The following SRCAP variants were observed in gnomAD, a reference collection of about 807,000 sequenced individuals.
SRCAP encodes Snf2 related CREBBP activator protein.
A neutral mutation model predicts 263.1 loss-of-function variants in SRCAP; 46 were observed. That is an observed-to-expected ratio of 0.17 (90% confidence interval 0.14 to 0.22). SRCAP has a LOEUF of 0.22. Among genes scored for constraint, SRCAP ranks in the 10% least tolerant of loss-of-function variants. The pLI is 1.00. For missense variants in SRCAP, 3,695 were observed against 4,181.9 expected, an observed-to-expected ratio of 0.88 and a Z score of 3.21; for synonymous variants, 1,813 against 1,662.1, an observed-to-expected ratio of 1.09 and a Z score of -2.21.
Position 30,723,196 on chromosome 16 carries a change from A to G in SRCAP, c.4126A>G (p.Lys1376Glu). Residue 1376 changes from lysine to glutamate, a missense_variant, in exon 24 of 34, where the codon AAG becomes GAG. Around this residue, in one of 12 missense-constraint regions of SRCAP, gnomAD observed 1,347 missense variants for 1,304.4 expected, o/e 1.03. Coordinates refer to ENST00000262518, the MANE Select transcript of SRCAP (RefSeq NM_006662.3). ...ACCCACTCTGGTGAGGCCTCTTCTC[A>G]AGCTGGTCCACAGTCCTTCACCTGA... ...PTPTLVRPLL[K>E]LVHSPSPEVS... is the part of the protein sequence containing the mutation. The G allele has an allele frequency of 1.2e-6, 2 of 1,613,550 alleles. No individual in the cohort carries two copies. The highest frequency in any genetic ancestry group is 1.7e-6 in the Non-Finnish European group (2 of 1,179,682).
chr16:30,734,001 T>G lies in SRCAP; in HGVS notation c.6602T>G (p.Phe2201Cys). ...IEGGNFTTAY[F>C]KQQTIRELFD... ...GGAGGCAACTTCACCACAGCCTATT[T>G]CAAACAGGTACTAAGTAAGATCTTT... The change falls in exon 30 of 34, where the codon TTC (phenylalanine) becomes TGC (cysteine). Residue 2201 changes from phenylalanine (F) to cysteine (C), a missense_variant. Phe to Cys is a radical substitution (Grantham distance 205, BLOSUM62 -2). Around this residue, in one of 12 missense-constraint regions of SRCAP, gnomAD observed 138 missense variants for 254.9 expected, o/e 0.54. Coordinates refer to ENST00000262518, the MANE Select transcript of SRCAP (RefSeq NM_006662.3). The G allele has an allele frequency of 6.2e-7, 1 of 1,606,508 alleles. No homozygotes were observed. Among genetic ancestry groups the G allele is most frequent in the Non-Finnish European group, 8.5e-7 (1 of 1,176,098 alleles).
At chr16:30,706,524 A>G (rs1312544140) in intron 4 of SRCAP, among the ~76,000 whole-genome samples, 3 of 152,206 alleles carry the variant, frequency 2.0e-5, no homozygotes, top group African/African-American at 7.2e-5. Flanking sequence ...AATGCTTTTT[A>G]AATAAAAGAC....
In SRCAP at chr16:30,733,935, A is replaced by G; in HGVS notation, c.6536A>G (p.Lys2179Arg). 1 of 1,614,086 alleles carries G rather than the reference A, an allele frequency of 6.2e-7. No individual in the cohort carries two copies. Among genetic ancestry groups the G allele is most frequent in the Non-Finnish European group, 8.5e-7 (1 of 1,179,988 alleles). ...ACAGTGGAGGAGAACATCCTAAAAAAGGCAAATCAGAAGAGAATGTTGGGG... is the reference window on the plus strand; with the variant it reads ...ACAGTGGAGGAGAACATCCTAAAAAGGGCAAATCAGAAGAGAATGTTGGGG... ...ERTVEENILKKANQKRMLGDM... is the reference protein window; with the variant it reads ...ERTVEENILKRANQKRMLGDM... Residue 2179 changes from lysine (K) to arginine (R), a missense_variant, in exon 30 of 34, where the codon AAG becomes AGG. Physicochemically the swap from Lys to Arg is conservative, Grantham distance 26. Around this residue, in one of 12 missense-constraint regions of SRCAP, gnomAD observed 138 missense variants for 254.9 expected, o/e 0.54. Coordinates refer to ENST00000262518, the MANE Select transcript of SRCAP (RefSeq NM_006662.3). This position sits in a 1 kb window ranked among gnomAD's most constrained non-coding sequence, Gnocchi z 5.3.
At position 30,713,270 on chromosome 16, in the gene SRCAP, C is replaced by T; in HGVS notation, c.2193C>T (p.Asp731=). 1 of 1,614,098 alleles carries T rather than the reference C, an allele frequency of 6.2e-7. No individual in the cohort carries two copies. Among genetic ancestry groups the T allele is most frequent in the Non-Finnish European group, 8.5e-7 (1 of 1,180,036 alleles). The change falls in exon 15 of 34, where the codon GAC becomes GAT. Residue 731 remains aspartate (D), a synonymous_variant. Transcript: ENST00000262518. Reference sequence around the variant, plus strand: ...CATCTTACAAGCTGGTGCTGCAGGACCACCAGGCCTTCCGTCGCAAGAACT... The same window carrying T: ...CATCTTACAAGCTGGTGCTGCAGGATCACCAGGCCTTCCGTCGCAAGAACT... The part of the protein sequence containing the change: ...CITSYKLVLQ[D]HQAFRRKNWR...
intron 25 of SRCAP, among the ~76,000 whole-genome samples, chr16:30,728,132 G>A (rs2053080473): frequency 6.6e-6 from 1 of 152,186 alleles, no homozygotes; most frequent in African/African-American, 2.4e-5. Flanking sequence ...TCAGGAAGGA[G>A]ATTTGGAACA....
At chr16:30,700,274 A>T (rs1249224428) in intron 2 of SRCAP, among the ~76,000 whole-genome samples, 1 of 152,176 alleles carries the variant, frequency 6.6e-6, no homozygotes, top group Non-Finnish European at 1.5e-5. Flanking sequence ...CCTTCCGCAA[A>T]TCATAAGGTC....
rs1239589696 is a variant in SRCAP at position 30,738,643 on chromosome 16, G to A, written c.8603G>A (p.Arg2868Lys). The A allele has an allele frequency of 1.2e-5, 19 of 1,610,328 alleles. No individual in the cohort carries two copies. Among genetic ancestry groups the A allele is most frequent in the Admixed American group, 1.7e-5 (1 of 59,070 alleles). ...RRRGRPPKKNRSPADAGRGVD... is the reference protein window; with the variant it reads ...RRRGRPPKKNKSPADAGRGVD... ...AGGGGGAGGCCCCCCAAGAAGAACA[G>A]GTCTCCAGCAGATGCTGGGAGAGGT... The change falls in exon 34 of 34, where the codon AGG becomes AAG. Residue 2868 changes from arginine to lysine, a missense_variant. Around this residue, in one of 12 missense-constraint regions of SRCAP, gnomAD observed 1,207 missense variants for 1,142.9 expected, o/e 1.06. Transcript: ENST00000262518.
chr16:30,715,483 T>TGG (rs2052938709), intron 16 of SRCAP, among the ~76,000 whole-genome samples: 1 of 151,350 alleles, frequency 6.6e-6, no homozygotes. Context: ...GAGAATGGCA[T>TGG]GAACCCGGGA....
At position 30,738,983 on chromosome 16, in the gene SRCAP, G is replaced by A. The variant is rs756673367; in HGVS notation, c.8943G>A (p.Leu2981=). The A allele has an allele frequency of 6.2e-7, 1 of 1,613,860 alleles. No individual in the cohort carries two copies. Among genetic ancestry groups the A allele is most frequent in the Non-Finnish European group, 8.5e-7 (1 of 1,179,902 alleles). Residue 2981 remains leucine, a synonymous_variant, in exon 34 of 34, where the codon CTG becomes CTA. Transcript: ENST00000262518. The part of the protein sequence containing the change: ...HPSPLTPLPP[L]LVCPTATVAN... Reference sequence around the variant, plus strand: ...CACCCCTAACCCCACTCCCACCACTGCTAGTTTGTCCCACTGCTACTGTTG... The same window carrying A: ...CACCCCTAACCCCACTCCCACCACTACTAGTTTGTCCCACTGCTACTGTTG...
chr16:30,702,378 G>A lies in SRCAP; in HGVS notation c.54+1500G>A, dbSNP rs909948270. ...CTCTTGAGTAGCTAGGATTACAGGC[G>A]TCCGCCACCACGCCCAGCTAATTTT... On this transcript the variant is annotated intron_variant, in intron 3 of 33. Transcript: ENST00000262518. Among the ~76,000 whole-genome samples the A allele has an allele frequency of 9.2e-5, 14 of 151,672 alleles. No individual in the cohort carries two copies. The East Asian group carries it at 2.7e-3, about 30-fold the overall frequency.
rs759174701 is a variant in SRCAP at position 30,712,112 on chromosome 16, A to G, written c.1770A>G (p.Ala590=). 24 of 1,614,070 alleles carry G rather than the reference A, an allele frequency of 1.5e-5. No individual in the cohort carries two copies. The highest frequency in any genetic ancestry group is 1.9e-5 in the Non-Finnish European group (23 of 1,180,028). ...AAGAAATTACTGACATTGCTGCAGC[A>G]GCTGAAAGTCTCCAGCCCAAGGGTT... is the stretch of plus-strand genomic sequence containing the variant. ...PKKEITDIAA[A]AESLQPKGYT... The change falls in exon 12 of 34, where the codon GCA becomes GCG. Residue 590 remains alanine, a synonymous_variant. Transcript: ENST00000262518.
At position 30,716,119 on chromosome 16, in the gene SRCAP, G is replaced by T. The variant is rs768182666; in HGVS notation, c.2547G>T (p.Met849Ile). Residue 849 changes from methionine (M) to isoleucine (I), a missense_variant, in exon 17 of 34, where the codon ATG becomes ATT. By Grantham distance (10) the Met-to-Ile change is conservative. Coordinates refer to ENST00000262518, the MANE Select transcript of SRCAP (RefSeq NM_006662.3). ...RRVKVDVEKQ[M>I]PKKYEHVIRC... ...TTAAGGTGGATGTTGAGAAGCAGAT[G>T]CCCAAAAAGTACGAGCATGTTATCC... 6.2e-7 allele frequency: 1 copy of T among 1,614,170 alleles called. No individual in the cohort carries two copies. The highest frequency in any genetic ancestry group is 1.7e-5 in the Admixed American group (1 of 60,008).
At position 30,739,859 on chromosome 16, in the gene SRCAP, C is replaced by T. The variant is rs1048650217; in HGVS notation, c.*126C>T. 10 of 1,372,734 alleles carry T rather than the reference C, an allele frequency of 7.3e-6. No individual in the cohort carries two copies. The African/African-American group carries it at 1.0e-4, about 14-fold the overall frequency. The allele number at this position is 1,372,734 out of a possible 1,614,324, so 85.0% of individuals were successfully genotyped here. ...CCAGGGAGACATAGGGGCCTTCTCCCTTCTTCCCACCAAAGTAGGGGGTAG... is the reference window on the plus strand; with the variant it reads ...CCAGGGAGACATAGGGGCCTTCTCCTTTCTTCCCACCAAAGTAGGGGGTAG... On this transcript the variant is annotated 3_prime_UTR_variant, in exon 34 of 34. Transcript: ENST00000262518.
In SRCAP at chr16:30,707,721, TG is replaced by T; in HGVS notation, c.633+13del. The T allele has an allele frequency of 6.2e-7, 1 of 1,613,938 alleles. No homozygotes were observed. Among genetic ancestry groups the T allele is most frequent in the East Asian group, 2.2e-5 (1 of 44,878 alleles). On this transcript the variant is annotated intron_variant, in intron 6 of 33. Transcript: ENST00000262518. ...GGAGCAATGTGGAGAAGGTAGACAGTGGGGATCAGGAAAGGAAAATGGCCTT... is the reference window on the plus strand; with the variant it reads ...GGAGCAATGTGGAGAAGGTAGACAGTGGGATCAGGAAAGGAAAATGGCCTT...
chr16:30,718,106 C>T (rs1196623668), intron 18 of SRCAP, among the ~76,000 whole-genome samples: 1 of 152,042 alleles, frequency 6.6e-6, no homozygotes, highest in Admixed American at 6.6e-5. Flanking sequence ...CTCCTGGCCT[C>T]AAGTGATCCT....
At position 30,738,461 on chromosome 16, in the gene SRCAP, GC is replaced by G; in HGVS notation, c.8424del (p.Cys2809ValfsTer27). 1 of 1,573,460 alleles carries G rather than the reference GC, an allele frequency of 6.4e-7. No individual in the cohort carries two copies. The highest frequency in any genetic ancestry group is 8.6e-7 in the Non-Finnish European group (1 of 1,160,078). Reference protein sequence around the residue: ...GPESSPPIGGPCEAAPSSSLP... With the variant: ...GPESSPPIGGXCEAAPSSSLP... The stretch of plus-strand genomic sequence containing the variant: ...CAGAATCCTCCCCTCCCATTGGTGG[GC>G]CCTGTGAAGCTGCTCCTTCATCCTC... On this transcript the variant is annotated frameshift_variant, in exon 34 of 34. Transcript: ENST00000262518.
intron 25 of SRCAP, 108 bp downstream of exon 25, chr16:30,725,190 A>T: frequency 1.3e-6 from 2 of 1,492,224 alleles, no homozygotes; most frequent in Non-Finnish European, 1.8e-6. Context: ...TACAAAGCTT[A>T]ATGTTATGGA....
intron 6 of SRCAP, 63 bp from the exon 7 acceptor site, chr16:30,709,449 TC>T: frequency 2.5e-6 from 4 of 1,574,200 alleles, no homozygotes; most frequent in Non-Finnish European, 3.5e-6. Context: ...TCCCTAAACA[TC>T]GGGTAAAAGT....
chr16:30,718,877 A>G (rs1337481144), intron 18 of SRCAP, among the ~76,000 whole-genome samples: 2 of 149,072 alleles, frequency 1.3e-5, no homozygotes, highest in Non-Finnish European at 3.0e-5. Context: ...CATCTTTGAC[A>G]CTGCATTGTG....
Sources: allele counts gnomAD v4.1 joint callset (sites outside exome capture counted in the v4.1 genomes callset), GRCh38; gene constraint gnomAD v4.1.1; regional missense constraint gnomAD v4.1.1; non-coding constraint Gnocchi (gnomAD v3.1); transcripts MANE v1.5; gene names NCBI Gene and HGNC (gene_info 2026-07-23, HGNC 2026-07-21).